The following RBBP8 variants were observed in gnomAD, a reference collection of about 807,000 sequenced individuals.
RBBP8 encodes DNA endonuclease RBBP8.
A neutral mutation model predicts 108.3 loss-of-function variants in RBBP8; 88 were observed. The observed-to-expected ratio is 0.81, with a 90% CI of 0.68 to 0.97. The LOEUF (loss-of-function observed/expected upper bound fraction) is 0.97. Among genes scored for constraint, RBBP8 ranks in the 50% least tolerant of loss-of-function variants. The pLI is 0.00. For missense variants in RBBP8, 1,023 were observed against 1,049.0 expected (o/e 0.98, Z 0.34); for synonymous variants, 332 against 348.2 (o/e 0.95, Z 0.52).
At chr18:23,023,062 CTTT>C (rs111634268) in intron 18 of RBBP8, among the ~76,000 whole-genome samples, 1 of 146,584 alleles carries the variant, frequency 6.8e-6, no homozygotes, top group African/African-American at 2.5e-5. Flanking sequence ...ATACCCAGCA[CTTT>C]TTTTTTTTTC....
chr18:22,952,629 G>A (rs1912139024), intron 4 of RBBP8, among the ~76,000 whole-genome samples: 1 of 152,064 alleles, frequency 6.6e-6, no homozygotes, highest in Admixed American at 6.5e-5. Context: ...GCCATGTCTA[G>A]GCTGTCTAGC....
intron 12 of RBBP8, 113 bp downstream of exon 12, chr18:22,993,960 C>G: frequency 9.2e-7 from 1 of 1,087,088 alleles, no homozygotes. Flanking sequence ...TTTCTTCCTT[C>G]AGGTGTCTGT....
intron 10 of RBBP8, among the ~76,000 whole-genome samples, chr18:22,991,958 A>G (rs1419182646): frequency 6.6e-6 from 1 of 152,188 alleles, no homozygotes; most frequent in African/African-American, 2.4e-5. Flanking sequence ...TTTACAGATT[A>G]CAAAAATACA....
At chr18:22,985,618 G>A (rs1915271979) in intron 8 of RBBP8, among the ~76,000 whole-genome samples, 1 of 152,024 alleles carries the variant, frequency 6.6e-6, no homozygotes, top group African/African-American at 2.4e-5. Context: ...GAAAAATAGA[G>A]TTACCATTTA....
intron 16 of RBBP8, among the ~76,000 whole-genome samples, chr18:23,007,082 G>A (rs1288314790): frequency 4.7e-5 from 7 of 149,480 alleles, no homozygotes; most frequent in Non-Finnish European, 7.4e-5. Context: ...GTACAGTGGC[G>A]CAATCTCGGC....
chr18:22,919,306 G>C (rs1279397141), intron 3 of RBBP8, among the ~76,000 whole-genome samples: 4 of 152,174 alleles, frequency 2.6e-5, no homozygotes, highest in African/African-American at 9.7e-5. Context: ...AATTGGTTTA[G>C]AGTTAACATT....
chr18:22,944,941 T>C (rs1911424924), intron 2 of RBBP8, among the ~76,000 whole-genome samples: 1 of 152,236 alleles, frequency 6.6e-6, no homozygotes, highest in African/African-American at 2.4e-5. Context: ...TCCAAAAGAT[T>C]GTATCAAGTT....
intron 6 of RBBP8, among the ~76,000 whole-genome samples, chr18:22,980,178 A>G (rs1914800190): frequency 6.6e-6 from 1 of 152,086 alleles, no homozygotes; most frequent in Non-Finnish European, 1.5e-5. Flanking sequence ...CCCAGGAGGC[A>G]GAGGTTGTAG....
intron 2 of RBBP8, among the ~76,000 whole-genome samples, chr18:22,944,301 C>A (rs60969384): frequency 0.014 from 2,199 of 152,236 alleles, 48 homozygotes; most frequent in African/African-American, 0.05. Context: ...TCCCCTGTTT[C>A]CCAAGGATTT....
intron 5 of RBBP8, among the ~76,000 whole-genome samples, chr18:22,974,462 TTTTTG>T (rs761573143): frequency 3.3e-5 from 5 of 152,148 alleles, no homozygotes; most frequent in Admixed American, 6.5e-5. Flanking sequence ...TTTTGGTGTT[TTTTTG>T]TTTTGTTTTG....
Position 23,026,221 on chromosome 18 carries a change from G to T in RBBP8, c.2675G>T (p.Gly892Val), listed in dbSNP as rs779480652. 6.2e-7 allele frequency: 1 copy of T among 1,613,564 alleles called. No individual in the cohort carries two copies. The highest frequency in any genetic ancestry group is 8.5e-7 in the Non-Finnish European group (1 of 1,179,618). The change falls in exon 19 of 19, where the codon GGC becomes GTC. Residue 892 changes from glycine (G) to valine (V), a missense_variant. Gly to Val is a moderately radical substitution (Grantham distance 109, BLOSUM62 -3). Transcript: ENST00000327155. Reference protein sequence around the residue: ...QPYNAIFSPKGKEQKT With the variant: ...QPYNAIFSPKVKEQKT ...TACAACGCAATATTTTCTCCAAAAG[G>T]CAAGGAGCAGAAGACATAGACGTTG... is the stretch of plus-strand genomic sequence containing the variant.
chr18:22,927,775 G>A (rs760458951), intron 3 of RBBP8, among the ~76,000 whole-genome samples: 3 of 151,840 alleles, frequency 2.0e-5, no homozygotes, highest in Non-Finnish European at 4.4e-5. Context: ...TGGCTCTGTG[G>A]GATAGTTCTG....
At position 23,016,851 on chromosome 18, in the gene RBBP8, CT is replaced by C; in HGVS notation, c.2382del (p.His795IlefsTer106). ...DERETSLQNF[P>X]HIEVVRKKEE... ...AGAGAGACTAGCTTGCAAAATTTTCCTCATATTGAGGTGGTTCGGAAAAAAG... is the reference window on the plus strand; with the variant it reads ...AGAGAGACTAGCTTGCAAAATTTTCCCATATTGAGGTGGTTCGGAAAAAAG... On this transcript the variant is annotated frameshift_variant, in exon 17 of 19. Coordinates refer to ENST00000327155, the MANE Select transcript of RBBP8 (RefSeq NM_002894.3). LOFTEE classifies it high-confidence loss of function. 6.2e-7 allele frequency: 1 copy of C among 1,613,636 alleles called. No individual in the cohort carries two copies. The highest frequency in any genetic ancestry group is 8.5e-7 in the Non-Finnish European group (1 of 1,179,844).
At chr18:23,022,608 A>AAAATAAAATAAAAT in intron 18 of RBBP8, among the ~76,000 whole-genome samples, 1 of 80,228 alleles carries the variant, frequency 1.2e-5, no homozygotes, top group South Asian at 3.9e-4. Context: ...TCTCAAAAAT[A>AAAATAAAATAAAAT]AAATAAAATA....
intron 15 of RBBP8, among the ~76,000 whole-genome samples, chr18:23,005,536 C>T (rs2046027770): frequency 2.0e-5 from 3 of 152,078 alleles, no homozygotes; most frequent in Admixed American, 2.0e-4. Flanking sequence ...CCTCAGCCTC[C>T]CGAGTAGCTG....
At chr18:22,915,530 T>C (rs1399345734) in intron 2 of RBBP8, 4 of 152,274 alleles carry the variant, frequency 2.6e-5, no homozygotes, top group African/African-American at 9.6e-5. Flanking sequence ...GCAAAAGCAA[T>C]GTGCTGATTC....
chr18:22,972,353 C>CAA (rs1168455023), intron 5 of RBBP8, among the ~76,000 whole-genome samples: 3,578 of 55,068 alleles, frequency 0.065, 161 homozygotes, highest in African/African-American at 0.12. Context: ...GACTCCCTCT[C>CAA]AAAAAAAAAA....
chr18:22,944,574 C>G (rs1452435687), intron 2 of RBBP8, among the ~76,000 whole-genome samples: 8 of 152,182 alleles, frequency 5.3e-5, no homozygotes, highest in Non-Finnish European at 1.0e-4. Context: ...TGGGTTGTTT[C>G]TAATGTTTGG....
rs76424504 is a variant in RBBP8 at position 22,946,205 on chromosome 18, A to G, written c.110-239A>G. 7.5e-3 allele frequency: 3,336 copies of G among 445,806 alleles called. 70 individuals carry two copies. The highest frequency in any genetic ancestry group is 0.051 in the African/African-American group (2,593 of 50,846). 27.6% of individuals were successfully genotyped at this position (445,806 alleles called of 1,614,324 possible). On this transcript the variant is annotated intron_variant, in intron 2 of 18. Coordinates refer to ENST00000327155, the MANE Select transcript of RBBP8 (RefSeq NM_002894.3). ...TATATGCTTGCCCTGCTATTAGAAA[A>G]GTAATAACTTACTTTAGATGGGGAA...
Sources: gnomAD v4.1 joint callset for allele counts (sites outside exome capture counted in the v4.1 genomes callset) on GRCh38, gnomAD v4.1.1 for gene constraint, MANE v1.5 for transcripts, NCBI Gene and HGNC (gene_info 2026-07-23, HGNC 2026-07-21) for gene names.